Variants in MAP4K3 observed in about 807,000 individuals in gnomAD.
The protein encoded by MAP4K3 is MAPK/ERK kinase kinase kinase 3.
MAP4K3 carries 94 observed loss-of-function variants against 143.5 expected under a neutral mutation model. That is an observed-to-expected ratio of 0.65 (90% CI 0.55 to 0.78). MAP4K3 has a LOEUF of 0.78. Ranked by LOEUF, MAP4K3 falls within the 30% of genes least tolerant of loss-of-function variation. The pLI is 0.00. For missense variants in MAP4K3, 1,077 were observed against 1,068.1 expected (o/e 1.01, Z -0.12); for synonymous variants, 416 against 347.2 (o/e 1.20, Z -2.20).
intron 22 of MAP4K3, 139 bp from the exon 23 acceptor site, chr2:39,280,495 G>GT: frequency 2.4e-6 from 1 of 420,954 alleles, no homozygotes; most frequent in Non-Finnish European, 4.2e-6. Context: ...ATTTACAGAA[G>GT]TAAGTGTAAG....
intron 1 of MAP4K3, among the ~76,000 whole-genome samples, chr2:39,385,677 T>C (rs894428093): frequency 6.7e-6 from 1 of 149,872 alleles, no homozygotes; most frequent in Non-Finnish European, 1.5e-5. Flanking sequence ...TCGCCCAGGC[T>C]AGGGTGCAAT....
At chr2:39,335,242 G>A (rs1034914534) in intron 6 of MAP4K3, among the ~76,000 whole-genome samples, 10 of 152,160 alleles carry the variant, frequency 6.6e-5, no homozygotes, top group African/African-American at 2.4e-4. Flanking sequence ...AAGCAGGAGA[G>A]TGATAAGATA....
chr2:39,364,606 G>C (rs188222031), intron 2 of MAP4K3, among the ~76,000 whole-genome samples: 2 of 152,216 alleles, frequency 1.3e-5, no homozygotes, highest in African/African-American at 2.4e-5. Context: ...GGTGGCTTAC[G>C]CCTGTAATGC....
chr2:39,253,374 C>T (rs141678275), intron 32 of MAP4K3, among the ~76,000 whole-genome samples: 4 of 152,264 alleles, frequency 2.6e-5, no homozygotes, highest in African/African-American at 7.2e-5. Flanking sequence ...CCTTGTGATC[C>T]GCCCGCCTCG....
At chr2:39,436,842 C>CT (rs1665502376) in intron 1 of MAP4K3, 50 bp downstream of exon 1, 1 of 1,524,270 alleles carries the variant, frequency 6.6e-7, no homozygotes, top group African/African-American at 1.4e-5. Context: ...CCAGGCTTGG[C>CT]TGCGGGTCGG....
intron 1 of MAP4K3, among the ~76,000 whole-genome samples, chr2:39,402,194 A>G (rs917086823): frequency 3.3e-5 from 5 of 152,192 alleles, no homozygotes; most frequent in Admixed American, 2.0e-4. Context: ...CAGATCAGAC[A>G]CCAGAAAAGA....
intron 1 of MAP4K3, 96 bp downstream of exon 1, chr2:39,436,796 G>T: frequency 9.6e-7 from 1 of 1,037,238 alleles, no homozygotes; most frequent in Non-Finnish European, 1.5e-6. Flanking sequence ...CCTGGCGCCA[G>T]CGTCTCCCGA....
At chr2:39,295,767 G>A (rs1201009366) in intron 16 of MAP4K3, among the ~76,000 whole-genome samples, 1 of 134,918 alleles carries the variant, frequency 7.4e-6, no homozygotes, top group East Asian at 2.1e-4. Flanking sequence ...GGTCCAGTCT[G>A]GAGTGCAGTG....
intron 26 of MAP4K3, among the ~76,000 whole-genome samples, chr2:39,271,726 G>T (rs1681033924): frequency 6.6e-6 from 1 of 152,110 alleles, no homozygotes; most frequent in Non-Finnish European, 1.5e-5. Flanking sequence ...TGAGTAGCTG[G>T]AACCACAGGC....
At position 39,325,974 on chromosome 2, in the gene MAP4K3, C is replaced by G. The variant is rs770724555; in HGVS notation, c.663-13G>C. On this transcript the variant is annotated splice_polypyrimidine_tract_variant and intron_variant, in intron 9 of 33. Coordinates refer to ENST00000263881, the MANE Select transcript of MAP4K3 (RefSeq NM_003618.4). ...TAGAAATAATGCTCTGAAAAATCAA[C>G]AAATCATTACACAGCATTTTAATAT... The G allele has an allele frequency of 6.3e-7, 1 of 1,576,966 alleles. No homozygotes were observed. The highest frequency in any genetic ancestry group is 1.1e-5 in the South Asian group (1 of 87,472).
intron 1 of MAP4K3, among the ~76,000 whole-genome samples, chr2:39,391,082 G>A (rs1370267965): frequency 2.0e-5 from 3 of 152,094 alleles, no homozygotes; most frequent in East Asian, 1.9e-4. Flanking sequence ...TAGGCCGGGC[G>A]CGGTGGCTCA....
intron 12 of MAP4K3, among the ~76,000 whole-genome samples, chr2:39,320,032 A>C (rs1683252354): frequency 1.3e-5 from 2 of 152,110 alleles, no homozygotes; most frequent in South Asian, 4.1e-4. Context: ...CCTTTCTAGC[A>C]ATGTCACTTC....
chr2:39,399,769 A>G (rs539547149), intron 1 of MAP4K3, among the ~76,000 whole-genome samples: 1 of 152,306 alleles, frequency 6.6e-6, no homozygotes, highest in South Asian at 2.1e-4. Flanking sequence ...ACTATGCCAA[A>G]AAGTTAAGGG....
At chr2:39,409,454 T>C (rs2148616127) in intron 1 of MAP4K3, among the ~76,000 whole-genome samples, 1 of 152,290 alleles carries the variant, frequency 6.6e-6, no homozygotes, top group East Asian at 1.9e-4. Context: ...GGAAGCTGGC[T>C]GCAGTGGCAC....
chr2:39,288,293 A>G lies in MAP4K3; in HGVS notation c.1315-13T>C. ...AGATAGACTTAGGCTGAAATAATAT[A>G]GAAAAAGAGACCAACAATGAAACAT... On this transcript the variant is annotated splice_polypyrimidine_tract_variant and intron_variant, in intron 19 of 33. Coordinates refer to ENST00000263881, the MANE Select transcript of MAP4K3 (RefSeq NM_003618.4). 1.2e-6 allele frequency: 2 copies of G among 1,609,110 alleles called. No homozygotes were observed. Among genetic ancestry groups the G allele is most frequent in the Non-Finnish European group, 1.7e-6 (2 of 1,176,082 alleles).
intron 3 of MAP4K3, among the ~76,000 whole-genome samples, chr2:39,345,822 T>C (rs1665273172): frequency 6.8e-6 from 1 of 146,556 alleles, no homozygotes; most frequent in Non-Finnish European, 1.5e-5. Flanking sequence ...CTCGGGAGAC[T>C]GAGGCAGGAG....
At chr2:39,288,096 A>T in intron 20 of MAP4K3, 25 bp downstream of exon 20, 1 of 1,612,384 alleles carries the variant, frequency 6.2e-7, no homozygotes, top group South Asian at 1.1e-5. Context: ...CTGGTAACAT[A>T]TTTGCTGTCA....
chr2:39,378,941 A>G (rs1181746803), intron 1 of MAP4K3, among the ~76,000 whole-genome samples: 1 of 151,872 alleles, frequency 6.6e-6, no homozygotes, highest in East Asian at 1.9e-4. Flanking sequence ...TTAAAATGGC[A>G]GTAAGTCTTT....
At chr2:39,398,162 A>C (rs1287213381) in intron 1 of MAP4K3, among the ~76,000 whole-genome samples, 2 of 152,254 alleles carry the variant, frequency 1.3e-5, no homozygotes, top group African/African-American at 4.8e-5. Flanking sequence ...ACCTACATAC[A>C]TAAGAAATAC....
Sources: allele counts gnomAD v4.1 joint callset (sites outside exome capture counted in the v4.1 genomes callset), GRCh38; gene constraint gnomAD v4.1.1; transcripts MANE v1.5; gene names NCBI Gene and HGNC (gene_info 2026-07-23, HGNC 2026-07-21).